Variants in LEKR1 observed in about 807,000 individuals in gnomAD.
LEKR1 encodes the protein leucine, glutamate and lysine rich 1.
Under a neutral mutation model 72.4 loss-of-function variants are expected in LEKR1, and 59 were observed. The observed-to-expected ratio is 0.82, with a 90% CI of 0.66 to 1.01. The LOEUF (loss-of-function observed/expected upper bound fraction) is 1.01, where lower values mean the gene tolerates loss of function less well. LEKR1 is among the 50% of genes least tolerant of loss of function. The pLI is 0.00. For missense variants in LEKR1, 728 were observed against 759.2 expected, an observed-to-expected ratio of 0.96 and a Z score of 0.48; for synonymous variants, 257 against 263.2, an observed-to-expected ratio of 0.98 and a Z score of 0.23.
Position 156,945,138 on chromosome 3 carries a change from T to G in LEKR1, c.745+2424T>G, listed in dbSNP as rs748221998. ...ACTGAGGTGAGATTATATCTCAGTA[T>G]AGTTTTGATTTGCATTTCTCTGATG... On this transcript the variant is annotated intron_variant, in intron 6 of 12. Coordinates refer to ENST00000356539, the MANE Select transcript of LEKR1 (RefSeq NM_001004316.3). Among the ~76,000 whole-genome samples, 3 of 151,914 alleles carry G rather than the reference T, an allele frequency of 2.0e-5. No individual in the cohort carries two copies. In the Admixed American group the frequency reaches 2.0e-4, roughly 10 times the overall value.
In LEKR1 at chr3:157,021,896, T is replaced by G. The variant is rs550910154; in HGVS notation, c.1204-2864T>G. Among the ~76,000 whole-genome samples the G allele has an allele frequency of 2.7e-3, 415 of 152,258 alleles. 2 individuals are homozygous for G. Among genetic ancestry groups the G allele is most frequent in the African/African-American group, 9.4e-3 (392 of 41,552 alleles). On this transcript the variant is annotated intron_variant, in intron 10 of 12. Coordinates refer to ENST00000356539, the MANE Select transcript of LEKR1 (RefSeq NM_001004316.3). ...TATTAATAATTAATTAATAATGGAA[T>G]GTTATTGATTATTAACTTTTATATT... is the stretch of plus-strand genomic sequence containing the variant.
chr3:156,880,769 G>T (rs528190562), intron 3 of LEKR1, among the ~76,000 whole-genome samples: 4 of 152,020 alleles, frequency 2.6e-5, no homozygotes, highest in African/African-American at 9.7e-5. Flanking sequence ...CTGGCAAACC[G>T]AATCCAGCAG....
At chr3:156,932,929 C>T (rs1280978143) in intron 5 of LEKR1, among the ~76,000 whole-genome samples, 2 of 151,800 alleles carry the variant, frequency 1.3e-5, no homozygotes, top group African/African-American at 4.8e-5. Flanking sequence ...GCTTGGGAGG[C>T]TGAGGCAGCA....
At chr3:156,914,492 C>G (rs1723410572) in intron 3 of LEKR1, among the ~76,000 whole-genome samples, 1 of 152,172 alleles carries the variant, frequency 6.6e-6, no homozygotes, top group Non-Finnish European at 1.5e-5. Context: ...AGGACATGAA[C>G]TCAACCTTTT....
At chr3:157,028,511 A>G (rs899194129) in intron 12 of LEKR1, 109 bp downstream of exon 12, 4 of 919,338 alleles carry the variant, frequency 4.4e-6, no homozygotes, top group East Asian at 5.3e-5. Context: ...GAGTCCTGGA[A>G]TGTTAGTCTG....
chr3:156,871,134 G>A (rs1464817065), intron 3 of LEKR1, among the ~76,000 whole-genome samples: 1 of 151,760 alleles, frequency 6.6e-6, no homozygotes, highest in Non-Finnish European at 1.5e-5. Context: ...AGTCCCCAGA[G>A]TGTGATGTTC....
chr3:157,011,697 T>TA (rs1219541292), intron 10 of LEKR1, among the ~76,000 whole-genome samples, 191 bp downstream of exon 10: 3 of 152,082 alleles, frequency 2.0e-5, no homozygotes, highest in Non-Finnish European at 2.9e-5. Context: ...TAATGGAAAA[T>TA]AAAAAATTAT....
chr3:156,962,966 A>G (rs1158520727), intron 6 of LEKR1, among the ~76,000 whole-genome samples: 2 of 152,040 alleles, frequency 1.3e-5, no homozygotes, highest in Non-Finnish European at 2.9e-5. Flanking sequence ...TTTAGACTTC[A>G]TTTTTTAAAT....
intron 3 of LEKR1, among the ~76,000 whole-genome samples, chr3:156,906,491 TA>T (rs1426701882): frequency 6.6e-6 from 1 of 152,154 alleles, no homozygotes; most frequent in African/African-American, 2.4e-5. Context: ...ACCCTCTGAG[TA>T]GACAACATTA....
chr3:156,948,927 C>CT (rs996201501), intron 6 of LEKR1, among the ~76,000 whole-genome samples: 2 of 151,206 alleles, frequency 1.3e-5, no homozygotes, highest in Non-Finnish European at 3.0e-5. Context: ...TGATAGTGAA[C>CT]TTTTTTTTCC....
At chr3:156,962,738 ACTC>A (rs984014124) in intron 6 of LEKR1, among the ~76,000 whole-genome samples, 60 of 152,078 alleles carry the variant, frequency 3.9e-4, no homozygotes, top group African/African-American at 1.4e-3. Flanking sequence ...ATAGGCATCT[ACTC>A]CTTATAATGG....
At chr3:157,029,685 T>A (rs1734464831) in intron 12 of LEKR1, among the ~76,000 whole-genome samples, 1 of 151,424 alleles carries the variant, frequency 6.6e-6, no homozygotes, top group Non-Finnish European at 1.5e-5. Context: ...CAGGCAGGAG[T>A]AAGGAGGGAG....
chr3:157,015,647 A>G (rs1170814285), intron 10 of LEKR1, among the ~76,000 whole-genome samples: 1 of 152,230 alleles, frequency 6.6e-6, no homozygotes, highest in Non-Finnish European at 1.5e-5. Flanking sequence ...CGAACAAGGT[A>G]AGTTAACAAT....
At chr3:156,988,628 A>T (rs1321010157) in intron 7 of LEKR1, 1 of 232,850 alleles carries the variant, frequency 4.3e-6, no homozygotes, top group Non-Finnish European at 9.6e-6. Flanking sequence ...TGGTAAAGGT[A>T]CTGAAGAACC....
chr3:156,891,593 C>A (rs759696216), intron 3 of LEKR1, among the ~76,000 whole-genome samples: 31 of 152,260 alleles, frequency 2.0e-4, no homozygotes, highest in Admixed American at 3.3e-4. Context: ...GTTGTCACTT[C>A]CCATAACTCA....
intron 6 of LEKR1, among the ~76,000 whole-genome samples, chr3:156,971,181 C>T (rs148136139): frequency 0.071 from 10,822 of 152,066 alleles, 493 homozygotes; most frequent in African/African-American, 0.12. Flanking sequence ...TCAGAAATAA[C>T]GCCGCATGTC....
chr3:156,935,052 G>T (rs1423206045), intron 5 of LEKR1, among the ~76,000 whole-genome samples: 1 of 152,042 alleles, frequency 6.6e-6, no homozygotes, highest in Non-Finnish European at 1.5e-5. Context: ...AAGTGGAATT[G>T]CAGAATCAAA....
At chr3:156,959,223 G>A (rs189152747) in intron 6 of LEKR1, among the ~76,000 whole-genome samples, 1 of 152,192 alleles carries the variant, frequency 6.6e-6, no homozygotes, top group East Asian at 1.9e-4. Context: ...CATCAAATAA[G>A]GGCAGACTGA....
chr3:156,935,245 G>A (rs1271584147), intron 5 of LEKR1, among the ~76,000 whole-genome samples: 1 of 152,158 alleles, frequency 6.6e-6, no homozygotes, highest in Non-Finnish European at 1.5e-5. Context: ...GAAGCTCAAA[G>A]GTGGAAATGC....
Sources: gnomAD v4.1 joint callset for allele counts (sites outside exome capture counted in the v4.1 genomes callset) on GRCh38, gnomAD v4.1.1 for gene constraint, MANE v1.5 for transcripts, NCBI Gene and HGNC (gene_info 2026-07-23, HGNC 2026-07-21) for gene names.